Variants in ANKRD11 observed in about 807,000 individuals in gnomAD.
ANKRD11 encodes ankyrin repeat domain-containing protein 11.
A neutral mutation model predicts 195.7 loss-of-function variants in ANKRD11; 17 were observed. The ratio of observed to expected loss-of-function variants is 0.09; its 90% CI spans 0.06 to 0.13. The LOEUF is 0.13. Ranked by LOEUF, ANKRD11 falls within the 10% of genes least tolerant of loss-of-function variation. The pLI, the probability that ANKRD11 is intolerant of heterozygous loss-of-function variation, is 1.00. For missense variants in ANKRD11, 3,735 were observed against 3,566.1 expected (o/e 1.05, Z -1.21); for synonymous variants, 1,953 against 1,528.1 (o/e 1.28, Z -6.49).
intron 2 of ANKRD11, among the ~76,000 whole-genome samples, chr16:89,405,193 C>A (rs996310326): frequency 6.6e-6 from 1 of 151,892 alleles, no homozygotes; most frequent in African/African-American, 2.4e-5. Context: ...GACTCCATCT[C>A]AAAAAAATAA....
At position 89,279,596 on chromosome 16, in the gene ANKRD11, C is replaced by T; in HGVS notation, c.6946G>A (p.Glu2316Lys). The change falls in exon 9 of 13, where the codon GAA becomes AAA. Residue 2316 changes from glutamate to lysine, a missense_variant. Physicochemically the swap from Glu to Lys is moderately conservative, Grantham distance 56. Coordinates refer to ENST00000301030, the MANE Select transcript of ANKRD11 (RefSeq NM_013275.6). This position sits in a 1 kb window ranked among gnomAD's most constrained non-coding sequence, Gnocchi z 5.6. ...PPGGIQPEAA[E>K]PKPTAEAPKA... ...GGGGCTTCGGCCGTGGGTTTTGGTT[C>T]TGCGGCTTCCGGCTGGATGCCGCCA... 1.4e-6 allele frequency: 2 copies of T among 1,445,782 alleles called. No homozygotes were observed. Among genetic ancestry groups the T allele is most frequent in the South Asian group, 1.4e-5 (1 of 71,010 alleles). 89.6% of individuals were successfully genotyped at this position (1,445,782 alleles called of 1,614,324 possible). A position where few individuals can be genotyped will look rare whatever the true frequency, so the allele number is the denominator to read the frequency against.
intron 1 of ANKRD11, among the ~76,000 whole-genome samples, chr16:89,434,186 G>C (rs1251122830): frequency 3.3e-5 from 5 of 152,008 alleles, no homozygotes; most frequent in Non-Finnish European, 7.4e-5. Flanking sequence ...ACTCACCCAT[G>C]GTGCACCCTA....
intron 1 of ANKRD11, among the ~76,000 whole-genome samples, chr16:89,435,759 GA>G (rs1370385537): frequency 2.7e-5 from 4 of 147,934 alleles, no homozygotes; most frequent in Non-Finnish European, 5.9e-5. Flanking sequence ...TCCACTCAAG[GA>G]ACAGACCAAC....
At chr16:89,452,928 C>T (rs979010094) in intron 1 of ANKRD11, among the ~76,000 whole-genome samples, 28 of 152,020 alleles carry the variant, frequency 1.8e-4, no homozygotes, top group Non-Finnish European at 2.9e-5. Flanking sequence ...ATCACACATG[C>T]GTGGATAAAC....
At chr16:89,323,000 T>A in intron 2 of ANKRD11, 1 of 299,370 alleles carries the variant, frequency 3.3e-6, no homozygotes, top group South Asian at 2.7e-5. Context: ...CGTGGCACCA[T>A]GCCCGGCTAA....
At chr16:89,347,490 A>T (rs1254060736) in intron 2 of ANKRD11, among the ~76,000 whole-genome samples, 1 of 151,972 alleles carries the variant, frequency 6.6e-6, no homozygotes, top group African/African-American at 2.4e-5. Flanking sequence ...AGGCGCCGGT[A>T]GTCCCAGCTA....
At chr16:89,412,745 G>A (rs1335034627) in intron 2 of ANKRD11, among the ~76,000 whole-genome samples, 3 of 151,742 alleles carry the variant, frequency 2.0e-5, no homozygotes, top group Admixed American at 1.3e-4. Flanking sequence ...AAAAAATGAT[G>A]GTATTAAAAA....
intron 1 of ANKRD11, among the ~76,000 whole-genome samples, chr16:89,474,602 A>C (rs1183513604): frequency 6.6e-6 from 1 of 152,144 alleles, no homozygotes; most frequent in Non-Finnish European, 1.5e-5. Flanking sequence ...CACTCTTCAG[A>C]ACTCCAAATG....
intron 3 of ANKRD11, among the ~76,000 whole-genome samples, chr16:89,314,108 C>T (rs2036789443): frequency 6.6e-6 from 1 of 152,114 alleles, no homozygotes; most frequent in Non-Finnish European, 1.5e-5. Flanking sequence ...CCTGTGGTCC[C>T]AGCTGCAAGG....
intron 2 of ANKRD11, among the ~76,000 whole-genome samples, chr16:89,329,601 TA>T (rs1386680514): frequency 7.0e-6 from 1 of 143,252 alleles, no homozygotes; most frequent in Non-Finnish European, 1.5e-5. Context: ...AAAAAAATTT[TA>T]ATTCCCATAG....
At chr16:89,458,230 CT>C (rs796923369) in intron 1 of ANKRD11, among the ~76,000 whole-genome samples, 94 of 146,482 alleles carry the variant, frequency 6.4e-4, no homozygotes, top group East Asian at 9.9e-4. Context: ...AATTTCATTT[CT>C]TTTTTTTTTT....
intron 1 of ANKRD11, among the ~76,000 whole-genome samples, chr16:89,488,550 T>C (rs530077184): frequency 3.3e-5 from 5 of 151,644 alleles, no homozygotes; most frequent in Non-Finnish European, 7.4e-5. Context: ...CAATACTTAC[T>C]AAGAGAAATC....
At chr16:89,466,248 C>G (rs2056881364) in intron 1 of ANKRD11, among the ~76,000 whole-genome samples, 1 of 151,904 alleles carries the variant, frequency 6.6e-6, no homozygotes. Context: ...TCTTATTTAT[C>G]TAAAACCCAA....
intron 2 of ANKRD11, among the ~76,000 whole-genome samples, chr16:89,417,791 G>A (rs11642483): frequency 0.01 from 1,579 of 151,610 alleles, 17 homozygotes; most frequent in African/African-American, 0.023. Context: ...GGATCCTAAC[G>A]AGCAGAACAG....
chr16:89,443,563 T>C (rs1371204220), intron 1 of ANKRD11: 1 of 152,140 alleles, frequency 6.6e-6, no homozygotes, highest in African/African-American at 2.4e-5. Context: ...ACCACCCACA[T>C]GGAAGGGTGC....
At chr16:89,343,318 C>A (rs2038783269) in intron 2 of ANKRD11, among the ~76,000 whole-genome samples, 1 of 152,200 alleles carries the variant, frequency 6.6e-6, no homozygotes, top group African/African-American at 2.4e-5. Flanking sequence ...AAAAGCAATA[C>A]CTGTGTTCCC....
intron 2 of ANKRD11, among the ~76,000 whole-genome samples, chr16:89,375,199 G>A (rs1391835869): frequency 6.6e-6 from 1 of 152,116 alleles, no homozygotes; most frequent in East Asian, 1.9e-4. Flanking sequence ...GTGAGCTCAA[G>A]TGTGTCGGTA....
chr16:89,275,842 G>A (rs540681871), intron 9 of ANKRD11, among the ~76,000 whole-genome samples: 7 of 152,282 alleles, frequency 4.6e-5, no homozygotes, highest in South Asian at 4.1e-4. Context: ...AAAGACAGCC[G>A]AGACCATCAG....
intron 2 of ANKRD11, among the ~76,000 whole-genome samples, chr16:89,334,144 TAAAAAAAAAAAAA>T (rs869142504): frequency 1.7e-4 from 7 of 41,412 alleles, no homozygotes; most frequent in South Asian, 9.4e-4. Context: ...CCCTGTGTTT[TAAAAAAAAAAAAA>T]AAAAAAAAAA....
Sources: gnomAD v4.1 joint callset for allele counts (sites outside exome capture counted in the v4.1 genomes callset) on GRCh38, gnomAD v4.1.1 for gene constraint, Gnocchi (gnomAD v3.1) non-coding constraint, MANE v1.5 for transcripts, NCBI Gene and HGNC (gene_info 2026-07-23, HGNC 2026-07-21) for gene names.